MACROD1: variants seen among roughly 807,000 people sequenced by gnomAD.
MACROD1 encodes mono-ADP ribosylhydrolase 1.
A neutral mutation model predicts 41.4 loss-of-function variants in MACROD1; 31 were observed. The ratio of observed to expected loss-of-function variants is 0.75; its 90% CI spans 0.56 to 1.01. The LOEUF (loss-of-function observed/expected upper bound fraction) is 1.01. Among genes scored for constraint, MACROD1 ranks in the 50% least tolerant of loss-of-function variants. The pLI is 0.00. For synonymous variants in MACROD1, 252 were observed against 203.4 expected (o/e 1.24, Z -2.03); for missense variants, 473 against 460.0 (o/e 1.03, Z -0.26).
chr11:64,001,340 A>G, intron 4 of MACROD1: 3 of 671,136 alleles, frequency 4.5e-6, no homozygotes, highest in Non-Finnish European at 5.4e-6. Context: ...GCTGGCCGGG[A>G]GGACAGGGCC....
Position 64,075,905 on chromosome 11 carries a change from C to A in MACROD1, c.518-60624G>T, listed in dbSNP as rs901841782. Among the ~76,000 whole-genome samples, 3 of 152,320 alleles carry A rather than the reference C, an allele frequency of 2.0e-5. No homozygotes were observed. In the East Asian group the frequency reaches 5.8e-4, roughly 29 times the overall value. On this transcript the variant is annotated intron_variant, in intron 3 of 10. Coordinates refer to ENST00000255681, the MANE Select transcript of MACROD1 (RefSeq NM_014067.4). ...GTCAGGCTGGTCTCAAACTCCTGAC[C>A]TCAAGTGATCCACCCGCCTCGGCTT...
Position 64,128,227 on chromosome 11 carries a change from AC to A in MACROD1, c.517+23011del, listed in dbSNP as rs79828958. ...GGAAAGGACCCAGGCTGTTCTTCCA[AC>A]TTCTCCCTGAGACCCAGCGCACAGT... On this transcript the variant is annotated intron_variant, in intron 3 of 10. Transcript: ENST00000255681. Among the ~76,000 whole-genome samples, 124 of 152,188 alleles carry A rather than the reference AC, an allele frequency of 8.1e-4. No individual in the cohort carries two copies. The East Asian group carries it at 0.022, about 27-fold the overall frequency.
intron 3 of MACROD1, among the ~76,000 whole-genome samples, chr11:64,031,335 C>G (rs1590815334): frequency 6.6e-6 from 1 of 152,182 alleles, no homozygotes; most frequent in African/African-American, 2.4e-5. Flanking sequence ...CAGGGCCCAC[C>G]CTCCTGGTCC....
At chr11:64,110,259 G>A (rs1944837214) in intron 3 of MACROD1, among the ~76,000 whole-genome samples, 2 of 152,014 alleles carry the variant, frequency 1.3e-5, no homozygotes, top group African/African-American at 4.8e-5. Context: ...AGACCAGCCT[G>A]GGCAACATAG....
intron 3 of MACROD1, among the ~76,000 whole-genome samples, chr11:64,076,161 C>T (rs2134475269): frequency 6.6e-6 from 1 of 152,344 alleles, no homozygotes; most frequent in South Asian, 2.1e-4. Context: ...GCGACCTTCC[C>T]AGCTCCCAAC....
intron 4 of MACROD1, among the ~76,000 whole-genome samples, chr11:64,011,190 G>A (rs1943010984): frequency 6.7e-6 from 1 of 148,406 alleles, no homozygotes; most frequent in African/African-American, 2.5e-5. Flanking sequence ...TGGGGTATTT[G>A]TTGGGGTGTT....
At chr11:64,093,755 C>T (rs1041503872) in intron 3 of MACROD1, among the ~76,000 whole-genome samples, 2 of 152,224 alleles carry the variant, frequency 1.3e-5, no homozygotes, top group African/African-American at 4.8e-5. Flanking sequence ...CTGTGTGTCT[C>T]TAAGAGCCCA....
chr11:64,153,037 C>A (rs946068663), intron 1 of MACROD1, among the ~76,000 whole-genome samples: 7 of 152,220 alleles, frequency 4.6e-5, no homozygotes, highest in Non-Finnish European at 1.0e-4. Context: ...GGAGGCCACC[C>A]TCACACAGCA....
At chr11:64,030,425 CTG>C (rs932996578) in intron 3 of MACROD1, among the ~76,000 whole-genome samples, 1 of 152,210 alleles carries the variant, frequency 6.6e-6, no homozygotes, top group Non-Finnish European at 1.5e-5. Context: ...ATGCTGGACA[CTG>C]TAGCAGGGGT....
intron 4 of MACROD1, 55 bp downstream of exon 4, chr11:64,015,197 A>T (rs1943063266): frequency 8.5e-6 from 13 of 1,522,096 alleles, no homozygotes; most frequent in African/African-American, 1.4e-5. Flanking sequence ...GGAGGAGCAG[A>T]CCCAGCAGGG....
intron 3 of MACROD1, among the ~76,000 whole-genome samples, chr11:64,041,199 TAAAAAAAAAAAAAAAAAAA>T (rs71045724): frequency 9.3e-5 from 2 of 21,600 alleles, no homozygotes; most frequent in African/African-American, 3.2e-4. Context: ...TAGCAAACTG[TAAAAAAAAAAAAAAAAAAA>T]AAAAAAAAAA....
At chr11:64,050,147 G>A (rs1590839578) in intron 3 of MACROD1, among the ~76,000 whole-genome samples, 3 of 152,056 alleles carry the variant, frequency 2.0e-5, no homozygotes, top group African/African-American at 2.4e-5. Flanking sequence ...TGCAGGCTCC[G>A]TCTTCACCCT....
intron 4 of MACROD1, among the ~76,000 whole-genome samples, chr11:64,013,391 C>T (rs1454127936): frequency 1.3e-5 from 2 of 152,170 alleles, no homozygotes; most frequent in African/African-American, 2.4e-5. Flanking sequence ...ACGGAGCAGC[C>T]GCGTGGACAA....
chr11:64,102,313 C>A (rs1293732007), intron 3 of MACROD1, among the ~76,000 whole-genome samples: 2 of 152,224 alleles, frequency 1.3e-5, no homozygotes, highest in Non-Finnish European at 2.9e-5. Flanking sequence ...ACAGCCTGCC[C>A]TGCCCTCCGT....
At chr11:64,143,933 A>G (rs938496630) in intron 3 of MACROD1, among the ~76,000 whole-genome samples, 1 of 152,100 alleles carries the variant, frequency 6.6e-6, no homozygotes, top group Admixed American at 6.6e-5. Context: ...AGACTGATAT[A>G]GTGCAAGAGA....
rs1043021294 is a variant in MACROD1, at chr11:64,165,594, G to A, written c.298+103C>T. ...GCAGATGGGGCCTCAACTTCCCCAGGTCTCTCGGGTGGAAGGGGCTGCTCG... is the reference window on the plus strand; with the variant it reads ...GCAGATGGGGCCTCAACTTCCCCAGATCTCTCGGGTGGAAGGGGCTGCTCG... On this transcript the variant is annotated intron_variant, in intron 1 of 10. Transcript: ENST00000255681. 1.4e-5 allele frequency: 15 copies of A among 1,076,234 alleles called. No homozygotes were observed. The African/African-American group carries it at 2.3e-4, about 17-fold the overall frequency. 66.7% of individuals were successfully genotyped at this position (1,076,234 alleles called of 1,614,324 possible).
chr11:64,117,909 A>G (rs1945021349), intron 3 of MACROD1: 1 of 1,613,902 alleles, frequency 6.2e-7, no homozygotes, highest in Non-Finnish European at 8.5e-7. Flanking sequence ...CGCTGGCCCC[A>G]TGGCGAGCCT....
chr11:64,018,618 C>T (rs1161419104), intron 3 of MACROD1, among the ~76,000 whole-genome samples: 2 of 152,200 alleles, frequency 1.3e-5, no homozygotes, highest in Non-Finnish European at 2.9e-5. Flanking sequence ...GGCCTGTGGC[C>T]GGCCCTTTTC....
intron 3 of MACROD1, among the ~76,000 whole-genome samples, chr11:64,132,344 T>C (rs917098665): frequency 1.3e-5 from 2 of 150,286 alleles, no homozygotes; most frequent in African/African-American, 4.9e-5. Flanking sequence ...CCAAGGGGAA[T>C]CTTCTATGTC....
Sources: allele counts gnomAD v4.1 joint callset (sites outside exome capture counted in the v4.1 genomes callset), GRCh38; gene constraint gnomAD v4.1.1; transcripts MANE v1.5; gene names NCBI Gene and HGNC (gene_info 2026-07-23, HGNC 2026-07-21).